CCDC171: variants seen among roughly 807,000 people sequenced by gnomAD.
CCDC171 encodes the protein coiled-coil domain-containing protein 171.
In CCDC171, 177 loss-of-function variants were observed where a neutral mutation model predicts 168.2. That is an observed-to-expected ratio of 1.05 (90% CI 0.93 to 1.19). The LOEUF (loss-of-function observed/expected upper bound fraction) is 1.19. Ranked by LOEUF, CCDC171 falls within the 50% of genes most tolerant of loss-of-function variation. The probability of loss-of-function intolerance (pLI) is 0.00; values close to 1 mark genes in which losing one functional copy is unlikely to be tolerated. For synonymous variants in CCDC171, 687 were observed against 540.8 expected, an observed-to-expected ratio of 1.27 and a Z score of -3.75; for missense variants, 1,991 against 1,539.0, an observed-to-expected ratio of 1.29 and a Z score of -4.91.
chr9:15,886,054 T>C (rs1819354446), intron 24 of CCDC171: 1 of 152,140 alleles, frequency 6.6e-6, no homozygotes, highest in South Asian at 2.1e-4. Context: ...TTTAAAAATA[T>C]TTTATTTAGG....
In CCDC171 at chr9:15,821,756, G is replaced by C. The variant is rs1405158000; in HGVS notation, c.3268-24946G>C. Among the ~76,000 whole-genome samples the C allele has an allele frequency of 1.2e-3, 144 of 116,578 alleles. 45 individuals are homozygous for C. The highest frequency in any genetic ancestry group is 4.4e-3 in the African/African-American group (135 of 30,876). The allele number at this position is 116,578 out of a possible 152,430, so 76.5% of individuals were successfully genotyped here. On this transcript the variant is annotated intron_variant, in intron 21 of 25. Transcript: ENST00000380701. Reference sequence around the variant, plus strand: ...TCAATATCGTGAAAATGGCCATACTGCCCAAGGTAATTTATACATTCAATG... The same window carrying C: ...TCAATATCGTGAAAATGGCCATACTCCCCAAGGTAATTTATACATTCAATG...
intron 25 of CCDC171, among the ~76,000 whole-genome samples, chr9:15,923,115 A>G (rs1287050618): frequency 6.6e-6 from 1 of 151,240 alleles, no homozygotes; most frequent in African/African-American, 2.4e-5. Flanking sequence ...TTTTAAGATC[A>G]TATCCCAAAA....
At chr9:16,107,801 A>T in the CCDC171 span, among the ~76,000 whole-genome samples, 3 of 152,206 alleles carry the variant, frequency 2.0e-5, no homozygotes, top group African/African-American at 7.2e-5. Flanking sequence ...TCTCAAGGTC[A>T]GGAGCCTATG....
At chr9:15,933,539 G>A (rs1188785707) in intron 25 of CCDC171, among the ~76,000 whole-genome samples, 1 of 151,426 alleles carries the variant, frequency 6.6e-6, no homozygotes, top group Non-Finnish European at 1.5e-5. Context: ...CCAATTCTGG[G>A]CTTAGTTTGT....
intron 16 of CCDC171, among the ~76,000 whole-genome samples, chr9:15,738,506 C>G (rs536317420): frequency 3.9e-5 from 6 of 152,204 alleles, no homozygotes; most frequent in African/African-American, 1.4e-4. Context: ...ATTAAACACA[C>G]TGAGGAGCAG....
rs186396771 is a variant in CCDC171, at chr9:15,608,489, T to C, written c.675+14317T>C. Among the ~76,000 whole-genome samples the C allele has an allele frequency of 2.3e-3, 348 of 152,316 alleles. 2 individuals carry two copies. Among genetic ancestry groups the C allele is most frequent in the African/African-American group, 8.1e-3 (336 of 41,570 alleles). Reference sequence around the variant, plus strand: ...TTGGTATTTTTCAGATTTAATTTCTTTTGAAATAGGATATGTGTGAAATTG... The same window carrying C: ...TTGGTATTTTTCAGATTTAATTTCTCTTGAAATAGGATATGTGTGAAATTG... On this transcript the variant is annotated intron_variant, in intron 6 of 25. Coordinates refer to ENST00000380701, the MANE Select transcript of CCDC171 (RefSeq NM_173550.4).
At chr9:15,956,477 T>A (rs1417549955) in intron 25 of CCDC171, among the ~76,000 whole-genome samples, 2 of 152,182 alleles carry the variant, frequency 1.3e-5, no homozygotes, top group African/African-American at 4.8e-5. Flanking sequence ...ATCACACAGC[T>A]TTACAAATGT....
At chr9:15,909,285 G>T (rs1279553426) in intron 24 of CCDC171, among the ~76,000 whole-genome samples, 2 of 152,070 alleles carry the variant, frequency 1.3e-5, no homozygotes, top group Admixed American at 6.6e-5. Flanking sequence ...TTTAAATAGG[G>T]TTTCTCTAAA....
intron 23 of CCDC171, among the ~76,000 whole-genome samples, chr9:15,849,934 C>G (rs1420965360): frequency 6.6e-6 from 1 of 151,290 alleles, no homozygotes; most frequent in African/African-American, 2.4e-5. Flanking sequence ...TATTTCATGT[C>G]AACAAAAGTA....
At chr9:15,915,404 A>G (rs191654428) in intron 24 of CCDC171, among the ~76,000 whole-genome samples, 47 of 150,710 alleles carry the variant, frequency 3.1e-4, no homozygotes, top group Non-Finnish European at 3.1e-4. Flanking sequence ...AGCTTTCTTG[A>G]TTTTGTCCTC....
chr9:15,720,416 A>T (rs1179500331), intron 11 of CCDC171, among the ~76,000 whole-genome samples: 1 of 152,176 alleles, frequency 6.6e-6, no homozygotes, highest in Non-Finnish European at 1.5e-5. Context: ...TTTCTTGTTT[A>T]TCTTTGTATG....
At chr9:15,903,349 TC>T (rs1305032745) in intron 24 of CCDC171, among the ~76,000 whole-genome samples, 2 of 152,040 alleles carry the variant, frequency 1.3e-5, no homozygotes, top group Non-Finnish European at 2.9e-5. Flanking sequence ...AGAGGAATGA[TC>T]AGGCGGCAAC....
intron 1 of CCDC171, among the ~76,000 whole-genome samples, chr9:16,057,717 C>T (rs1036183521): frequency 2.0e-5 from 3 of 152,158 alleles, no homozygotes; most frequent in African/African-American, 7.2e-5. Flanking sequence ...GTTGCCAGAC[C>T]GGGAGGTAGC....
intron 6 of CCDC171, among the ~76,000 whole-genome samples, chr9:15,599,274 C>T (rs1279121397): frequency 1.3e-5 from 2 of 152,176 alleles, no homozygotes; most frequent in Non-Finnish European, 2.9e-5. Context: ...CATGTTTTGG[C>T]AGTGGCTGTT....
At chr9:15,614,879 A>G (rs989748096) in intron 6 of CCDC171, among the ~76,000 whole-genome samples, 1 of 152,336 alleles carries the variant, frequency 6.6e-6, no homozygotes, top group African/African-American at 2.4e-5. Flanking sequence ...AGAAGTAGAA[A>G]ATAGAAAAGC....
chr9:15,573,419 C>CT (rs2040390777), intron 3 of CCDC171, among the ~76,000 whole-genome samples: 2 of 151,982 alleles, frequency 1.3e-5, no homozygotes, highest in Non-Finnish European at 2.9e-5. Context: ...GTAGCTGGGA[C>CT]TACAGGCACG....
intron 11 of CCDC171, among the ~76,000 whole-genome samples, chr9:15,697,499 G>T (rs2051305073): frequency 6.6e-6 from 1 of 151,976 alleles, no homozygotes; most frequent in Admixed American, 6.6e-5. Context: ...TCCTCCTATT[G>T]GCTTGCATAA....
At position 15,617,678 on chromosome 9, in the gene CCDC171, TG is replaced by T. The variant is rs568158348; in HGVS notation, c.676-5581del. ...GGCGTGAGCCACCACGCCCGGCCTGTGGGGGGGGTTCTTGATGTTGATGTTG... is the reference window on the plus strand; with the variant it reads ...GGCGTGAGCCACCACGCCCGGCCTGTGGGGGGGTTCTTGATGTTGATGTTG... On this transcript the variant is annotated intron_variant, in intron 6 of 25. Coordinates refer to ENST00000380701, the MANE Select transcript of CCDC171 (RefSeq NM_173550.4). 3.3e-5 allele frequency among the ~76,000 whole-genome samples: 5 copies of T among 151,582 alleles called. No homozygotes were observed. In the South Asian group the frequency reaches 8.4e-4, roughly 25 times the overall value.
At chr9:15,593,716 A>T (rs1470486024) in intron 5 of CCDC171, among the ~76,000 whole-genome samples, 1 of 152,004 alleles carries the variant, frequency 6.6e-6, no homozygotes, top group Non-Finnish European at 1.5e-5. Flanking sequence ...TCTGAAGTTA[A>T]CATTTTTCAG....
Sources: gnomAD v4.1 joint callset for allele counts (sites outside exome capture counted in the v4.1 genomes callset) on GRCh38, gnomAD v4.1.1 for gene constraint, MANE v1.5 for transcripts, NCBI Gene and HGNC (gene_info 2026-07-23, HGNC 2026-07-21) for gene names.